The following ATP11A variants were observed in gnomAD, a reference collection of about 807,000 sequenced individuals.
ATP11A encodes ATPase phospholipid transporting 11A, also known as phospholipid-transporting ATPase IH.
Under a neutral mutation model 154.4 loss-of-function variants are expected in ATP11A, and 81 were observed. That is an observed-to-expected ratio of 0.52 (90% confidence interval 0.44 to 0.63). The LOEUF (loss-of-function observed/expected upper bound fraction) is 0.63, where lower values mean the gene tolerates loss of function less well. Ranked by LOEUF, ATP11A falls within the 30% of genes least tolerant of loss-of-function variation. The probability of loss-of-function intolerance (pLI) is 0.00; values close to 1 mark genes in which losing one functional copy is unlikely to be tolerated. For missense variants in ATP11A, 1,316 were observed against 1,474.3 expected, an observed-to-expected ratio of 0.89 and a Z score of 1.76; for synonymous variants, 623 against 585.9, an observed-to-expected ratio of 1.06 and a Z score of -0.91.
intron 1 of ATP11A, among the ~76,000 whole-genome samples, chr13:112,749,367 T>C (rs2076636076): frequency 6.6e-6 from 1 of 152,244 alleles, no homozygotes; most frequent in Non-Finnish European, 1.5e-5. Context: ...TTCTAACTTT[T>C]ATTTTAAAAG....
At chr13:112,739,758 A>G (rs1891346762) in intron 1 of ATP11A, among the ~76,000 whole-genome samples, 1 of 152,248 alleles carries the variant, frequency 6.6e-6, no homozygotes. Context: ...TGGGTAAACA[A>G]TGTGATTTAT....
intron 1 of ATP11A, among the ~76,000 whole-genome samples, chr13:112,729,478 A>G (rs1366466842): frequency 6.6e-6 from 1 of 151,832 alleles, no homozygotes; most frequent in Non-Finnish European, 1.5e-5. Context: ...CAGAGTATCT[A>G]ACGCGTCTGC....
At chr13:112,793,872 A>G (rs540178947) in intron 2 of ATP11A, among the ~76,000 whole-genome samples, 4 of 152,340 alleles carry the variant, frequency 2.6e-5, no homozygotes, top group South Asian at 4.1e-4. Context: ...CCCTGTCTGC[A>G]CACCACACTG....
rs1390468232 is a variant in ATP11A, at chr13:112,859,363, C to T, written c.2668-30C>T. ...GCGGCTGCCTCCCTCTGTCCCGTCA[C>T]CGAACTAACAGTTATGCCTTGCCTT... On this transcript the variant is annotated intron_variant, in intron 22 of 29. Transcript: ENST00000375645. This position sits in a 1 kb window ranked among gnomAD's most constrained non-coding sequence, Gnocchi z 4.3. The T allele has an allele frequency of 1.2e-6, 2 of 1,607,392 alleles. No homozygotes were observed. Among genetic ancestry groups the T allele is most frequent in the Non-Finnish European group, 8.5e-7 (1 of 1,174,042 alleles).
intron 1 of ATP11A, among the ~76,000 whole-genome samples, chr13:112,716,524 G>A (rs1484896441): frequency 3.3e-5 from 5 of 152,304 alleles, no homozygotes; most frequent in South Asian, 2.1e-4. Context: ...GACGGGAGCC[G>A]GGACAGAGGG....
At chr13:112,822,964 A>T (rs2078837720) in intron 8 of ATP11A, among the ~76,000 whole-genome samples, 2 of 152,044 alleles carry the variant, frequency 1.3e-5, no homozygotes, top group Non-Finnish European at 2.9e-5. Context: ...ATGGTTCCTG[A>T]CTGGCTCCAG....
At chr13:112,734,318 G>A (rs903991058) in intron 1 of ATP11A, among the ~76,000 whole-genome samples, 1 of 152,142 alleles carries the variant, frequency 6.6e-6, no homozygotes, top group South Asian at 2.1e-4. Flanking sequence ...AAATACTTGA[G>A]AAAAGGGCCT....
At chr13:112,874,530 C>T (rs1299066231) in intron 27 of ATP11A, among the ~76,000 whole-genome samples, 13 of 152,188 alleles carry the variant, frequency 8.5e-5, no homozygotes, top group Non-Finnish European at 1.5e-5. Flanking sequence ...CCAGTCTCAG[C>T]CCCAGCGCAG....
At chr13:112,800,757 A>T (rs2078112167) in intron 2 of ATP11A, among the ~76,000 whole-genome samples, 1 of 152,212 alleles carries the variant, frequency 6.6e-6, no homozygotes, top group Non-Finnish European at 1.5e-5. Flanking sequence ...TCAATAAAAT[A>T]TTAGCAAGTC....
In ATP11A at chr13:112,690,485, C is replaced by T. The variant is rs575401497; in HGVS notation, c.39+30C>T. 2.0e-4 allele frequency: 261 copies of T among 1,323,566 alleles called. No individual in the cohort carries two copies. The highest frequency in any genetic ancestry group is 2.6e-4 in the Middle Eastern group (1 of 3,776). The allele number at this position is 1,323,566 out of a possible 1,614,324, so 82.0% of individuals were successfully genotyped here. A position where few individuals can be genotyped will look rare whatever the true frequency, so the allele number is the denominator to read the frequency against. ...GTGCTCCCGGCGCGGGCTGGGGGAC[C>T]CGGGGACCAGACAGACGCGGGCCGG... On this transcript the variant is annotated intron_variant, in intron 1 of 29. Transcript: ENST00000375645. This position sits in a 1 kb window ranked among gnomAD's most constrained non-coding sequence, Gnocchi z 5.6.
intron 17 of ATP11A, among the ~76,000 whole-genome samples, 170 bp downstream of exon 17, chr13:112,842,549 AC>A: frequency 6.6e-6 from 1 of 152,232 alleles, no homozygotes; most frequent in East Asian, 1.9e-4. Flanking sequence ...GCCGGCACCG[AC>A]CCCAGGGGGC....
chr13:112,816,242 A>G, intron 6 of ATP11A, 31 bp downstream of exon 6: 4 of 1,613,906 alleles, frequency 2.5e-6, no homozygotes, highest in Non-Finnish European at 2.5e-6. Flanking sequence ...ACTCCAGGGC[A>G]GGATCTTCCT....
intron 8 of ATP11A, 32 bp from the exon 9 acceptor site, chr13:112,823,313 C>G (rs1353404815): frequency 6.3e-7 from 1 of 1,596,370 alleles, no homozygotes; most frequent in African/African-American, 1.3e-5. Flanking sequence ...GCCTTCGTGT[C>G]CGCATCATTT....
Position 112,838,614 on chromosome 13 carries a change from T to C in ATP11A, c.1705+2363T>C, listed in dbSNP as rs909897718. ...ATTGTGGGCTATGCCGTGGAATCTT[T>C]GTAAATAACTTCTGTTACTATCAAA... is the stretch of plus-strand genomic sequence containing the variant. On this transcript the variant is annotated intron_variant, in intron 16 of 29. Transcript: ENST00000375645. The surrounding 1 kb of genome is among the most constrained non-coding windows in gnomAD (Gnocchi z 7.3). 6.6e-6 allele frequency among the ~76,000 whole-genome samples: 1 copy of C among 152,200 alleles called. No individual in the cohort carries two copies. The highest frequency in any genetic ancestry group is 1.9e-4 in the East Asian group (1 of 5,190).
At chr13:112,759,366 A>G (rs1049717302) in intron 1 of ATP11A, among the ~76,000 whole-genome samples, 1 of 152,202 alleles carries the variant, frequency 6.6e-6, no homozygotes, top group Non-Finnish European at 1.5e-5. Flanking sequence ...CACACTTGGC[A>G]GAGTCCGGAG....
rs571447888 is a variant in ATP11A, at chr13:112,810,687, G to T, written c.402G>T (p.Gln134His). Residue 134 changes from glutamine (Q) to histidine (H), a missense_variant, in exon 5 of 30, where the codon CAG becomes CAT. Gln to His is a conservative substitution (Grantham distance 24). Transcript: ENST00000375645. ...AMNQCPVHFIQHGKLVRKQSR... is the reference protein window; with the variant it reads ...AMNQCPVHFIHHGKLVRKQSR... Reference sequence around the variant, plus strand: ...ACCAGTGTCCTGTTCATTTCATTCAGCACGGCAAGCTCGTTCGGAAACAAA... The same window carrying T: ...ACCAGTGTCCTGTTCATTTCATTCATCACGGCAAGCTCGTTCGGAAACAAA... The T allele has an allele frequency of 1.2e-6, 2 of 1,613,954 alleles. No individual in the cohort carries two copies. Among genetic ancestry groups the T allele is most frequent in the Non-Finnish European group, 1.7e-6 (2 of 1,180,014 alleles).
At chr13:112,701,822 G>A (rs982635995) in intron 1 of ATP11A, among the ~76,000 whole-genome samples, 3 of 152,084 alleles carry the variant, frequency 2.0e-5, no homozygotes, top group African/African-American at 7.2e-5. Context: ...GACAGAGCAG[G>A]CTGTCAACAC....
intron 1 of ATP11A, among the ~76,000 whole-genome samples, chr13:112,705,198 G>A (rs1189292557): frequency 2.0e-5 from 3 of 152,198 alleles, no homozygotes; most frequent in Non-Finnish European, 4.4e-5. Flanking sequence ...AAGCTGGAGC[G>A]ACTGTCATGG....
intron 18 of ATP11A, among the ~76,000 whole-genome samples, chr13:112,853,712 G>A (rs1294224107): frequency 6.6e-6 from 1 of 152,170 alleles, no homozygotes; most frequent in Non-Finnish European, 1.5e-5. Flanking sequence ...TTGCACATAG[G>A]AAGTGTCACA....
Sources: gnomAD v4.1 joint callset for allele counts (sites outside exome capture counted in the v4.1 genomes callset) on GRCh38, gnomAD v4.1.1 for gene constraint, Gnocchi (gnomAD v3.1) non-coding constraint, MANE v1.5 for transcripts, NCBI Gene and HGNC (gene_info 2026-07-23, HGNC 2026-07-21) for gene names.